Variants in TTC23L observed in about 807,000 individuals in gnomAD.
TTC23L encodes tetratricopeptide repeat protein 23-like.
A neutral mutation model predicts 48.1 loss-of-function variants in TTC23L; 42 were observed. That is an observed-to-expected ratio of 0.87 (90% CI 0.68 to 1.13). The LOEUF (loss-of-function observed/expected upper bound fraction) is 1.13. TTC23L is among the 50% of genes most tolerant of loss of function. TTC23L has a pLI of 0.00. For synonymous variants in TTC23L, 159 were observed against 157.2 expected (o/e 1.01, Z -0.09); for missense variants, 391 against 421.0 (o/e 0.93, Z 0.62).
chr5:34,911,721 T>G, the TTC23L span: 3 of 1,614,154 alleles, frequency 1.9e-6, no homozygotes, highest in South Asian at 3.3e-5. Context: ...GTGTATTGAT[T>G]TTGCAGACTG....
intron 4 of TTC23L, among the ~76,000 whole-genome samples, chr5:34,859,702 T>C (rs1760422969): frequency 6.6e-6 from 1 of 152,166 alleles, no homozygotes; most frequent in Admixed American, 6.5e-5. Flanking sequence ...CTGTGAGAAA[T>C]TTCTGTTCTT....
At chr5:34,909,128 C>A in the TTC23L span, 1 of 893,930 alleles carries the variant, frequency 1.1e-6, no homozygotes, top group Non-Finnish European at 1.7e-6. Context: ...GTAAGTCCAG[C>A]ACTCTACTAT....
At chr5:34,845,972 G>A (rs1759088252) in intron 3 of TTC23L, among the ~76,000 whole-genome samples, 1 of 152,066 alleles carries the variant, frequency 6.6e-6, no homozygotes, top group Non-Finnish European at 1.5e-5. Context: ...CGAGGCGGGA[G>A]GATCTCTTGA....
intron 9 of TTC23L, among the ~76,000 whole-genome samples, chr5:34,881,614 AAC>A (rs1193019798): frequency 6.6e-6 from 1 of 152,246 alleles, no homozygotes; most frequent in African/African-American, 2.4e-5. Context: ...AGGAATGAAG[AAC>A]AGTTTTTTTT....
exon 3 of TTC23L, chr5:34,845,533 T>C: frequency 6.2e-7 from 1 of 1,613,884 alleles, no homozygotes; most frequent in Non-Finnish European, 8.5e-7. Flanking sequence ...AGATGAGTTG[T>C]ATCCCACTGG....
chr5:34,901,718 T>C (rs1291292824), downstream of TTC23L, among the ~76,000 whole-genome samples: 1 of 152,144 alleles, frequency 6.6e-6, no homozygotes, highest in Non-Finnish European at 1.5e-5. Flanking sequence ...GCTGAGATCA[T>C]GCAATTGCAC....
At chr5:34,913,426 A>G in the TTC23L span, 1 of 1,153,268 alleles carries the variant, frequency 8.7e-7, no homozygotes, top group Non-Finnish European at 1.2e-6. Flanking sequence ...TTTTCTGACC[A>G]CTATGTATAA....
the TTC23L span, among the ~76,000 whole-genome samples, chr5:34,916,936 A>G: frequency 2.6e-5 from 4 of 152,198 alleles, no homozygotes; most frequent in African/African-American, 4.8e-5. Flanking sequence ...AGTAAATGTT[A>G]GTGTTCTCAC....
the TTC23L span, chr5:34,914,784 G>C: frequency 1.2e-6 from 2 of 1,614,178 alleles, no homozygotes; most frequent in South Asian, 2.2e-5. Context: ...GCATGTTCTC[G>C]GAAATGAATA....
At chr5:34,893,588 A>G (rs1416691650) in intron 9 of TTC23L, among the ~76,000 whole-genome samples, 1 of 152,224 alleles carries the variant, frequency 6.6e-6, no homozygotes, top group Non-Finnish European at 1.5e-5. Context: ...ACTTATAGTG[A>G]GACTTCCTAA....
At chr5:34,890,819 C>G (rs763703726) in intron 9 of TTC23L, among the ~76,000 whole-genome samples, 2 of 152,014 alleles carry the variant, frequency 1.3e-5, no homozygotes, top group Non-Finnish European at 2.9e-5. Context: ...GTTGCCCGGG[C>G]TGGTCCAAAC....
chr5:34,840,845 A>G, intron 2 of TTC23L, 106 bp downstream of exon 2: 2 of 1,045,800 alleles, frequency 1.9e-6, no homozygotes, highest in Non-Finnish European at 3.0e-6. Context: ...AGAAGCGTTC[A>G]CGACCAGCCT....
the TTC23L span, chr5:34,922,033 T>TG: frequency 2.7e-6 from 1 of 371,860 alleles, no homozygotes; most frequent in Non-Finnish European, 4.8e-6. Context: ...TAGTTTACCT[T>TG]GGGTAGAATA....
chr5:34,865,361 C>T (rs1458574003), intron 6 of TTC23L, among the ~76,000 whole-genome samples: 1 of 152,114 alleles, frequency 6.6e-6, no homozygotes, highest in Non-Finnish European at 1.5e-5. Context: ...ATCTAGAAGT[C>T]AGATGGGAAA....
chr5:34,845,558 G>C, exon 3 of TTC23L: 1 of 1,613,958 alleles, frequency 6.2e-7, no homozygotes, highest in South Asian at 1.1e-5. Flanking sequence ...TGTGGAGAGA[G>C]TGAAGAGGAA....
In TTC23L at chr5:34,867,271, G is replaced by A. The variant is rs1339175089; in HGVS notation, c.840+202G>A. The A allele has an allele frequency of 3.3e-5, 20 of 615,150 alleles. No individual in the cohort carries two copies. In the East Asian group the frequency reaches 4.7e-4, roughly 15 times the overall value. The allele number at this position is 615,150 out of a possible 1,614,324, so 38.1% of individuals were successfully genotyped here. Reference sequence around the variant, plus strand: ...CCAGAGAACACTGACTCAGGTGGGCGAATGTGCTGTGTCATTGGCTGTGCA... The same window carrying A: ...CCAGAGAACACTGACTCAGGTGGGCAAATGTGCTGTGTCATTGGCTGTGCA... On this transcript the variant is annotated intron_variant, in intron 7 of 10. Transcript: ENST00000505624.
At chr5:34,911,622 T>TAAA in the TTC23L span, 2 of 1,613,952 alleles carry the variant, frequency 1.2e-6, no homozygotes, top group African/African-American at 2.7e-5. Flanking sequence ...ATTCAGAAAA[T>TAAA]GCTTCACGGA....
intron 9 of TTC23L, among the ~76,000 whole-genome samples, chr5:34,886,568 G>A (rs963571383): frequency 4.6e-5 from 7 of 152,180 alleles, no homozygotes; most frequent in Non-Finnish European, 1.0e-4. Flanking sequence ...GGCTGGTTTC[G>A]TTACATTTTC....
the TTC23L span, chr5:34,919,855 G>T: frequency 8.7e-7 from 1 of 1,146,476 alleles, no homozygotes. Flanking sequence ...AAAATGGATC[G>T]TAAGGATAAG....
Sources: allele counts gnomAD v4.1 joint callset (sites outside exome capture counted in the v4.1 genomes callset), GRCh38; gene constraint gnomAD v4.1.1; transcripts MANE v1.5; gene names NCBI Gene and HGNC (gene_info 2026-07-23, HGNC 2026-07-21).